EML2: variants seen among roughly 807,000 people sequenced by gnomAD.
EML2 encodes echinoderm microtubule-associated protein-like 2.
A neutral mutation model predicts 84.7 loss-of-function variants in EML2; 59 were observed. That is an observed-to-expected ratio of 0.70 (90% CI 0.56 to 0.86). EML2 has a LOEUF of 0.86. Ranked by LOEUF, EML2 falls within the 40% of genes least tolerant of loss-of-function variation. The probability of loss-of-function intolerance (pLI) is 0.00; values close to 1 mark genes in which losing one functional copy is unlikely to be tolerated. For missense variants in EML2, 818 were observed against 855.6 expected, an observed-to-expected ratio of 0.96 and a Z score of 0.55; for synonymous variants, 352 against 348.9, an observed-to-expected ratio of 1.01 and a Z score of -0.10.
At chr19:45,644,498 G>A (rs1974878689), upstream of EML2, among the ~76,000 whole-genome samples, 1 of 152,024 alleles carries the variant, frequency 6.6e-6, no homozygotes, top group Non-Finnish European at 1.5e-5. Context: ...CTTTCATCTT[G>A]ACCCTTCTGC....
At chr19:45,636,109 T>C (rs1973698326) in intron 3 of EML2, among the ~76,000 whole-genome samples, 1 of 152,178 alleles carries the variant, frequency 6.6e-6, no homozygotes, top group Non-Finnish European at 1.5e-5. Context: ...TAGCTGAGAC[T>C]ACAGGCATGC....
chr19:45,614,347 G>A lies in EML2; in HGVS notation c.1693+258C>T, dbSNP rs575387087. Among the ~76,000 whole-genome samples the A allele has an allele frequency of 2.6e-5, 4 of 152,352 alleles. 1 individual carries two copies. In the South Asian group the frequency reaches 8.3e-4, roughly 32 times the overall value. On this transcript the variant is annotated intron_variant, in intron 17 of 18. Coordinates refer to ENST00000245925, the MANE Select transcript of EML2 (RefSeq NM_012155.4). ...GGGAATATGTGTTTGCTTCATTCGT[G>A]CCTGAATGAATGGGTGGCTAGGGCA...
chr19:45,645,479 C>G (rs1013008148), upstream of EML2: 74 of 1,401,540 alleles, frequency 5.3e-5, 1 homozygote, highest in African/African-American at 7.5e-4. Context: ...AGGCGGCCGG[C>G]GCCGGGCCCG....
chr19:45,638,390 T>G, intron 3 of EML2, 115 bp downstream of exon 3: 1 of 1,474,768 alleles, frequency 6.8e-7, no homozygotes, highest in Non-Finnish European at 9.4e-7. Flanking sequence ...CTCAAACTCT[T>G]GGCCTCAAAC....
upstream of EML2, chr19:45,645,364 C>A (rs1215907348): frequency 8.5e-6 from 13 of 1,527,042 alleles, no homozygotes; most frequent in East Asian, 2.5e-5. Context: ...CACCGCCGGC[C>A]CCCCCGGTCC....
intron 8 of EML2, among the ~76,000 whole-genome samples, chr19:45,625,570 G>T (rs558142431): frequency 6.6e-6 from 1 of 152,012 alleles, no homozygotes; most frequent in South Asian, 2.1e-4. Context: ...CCCTCCTGTC[G>T]GCGCCTCATT....
At chr19:45,621,684 T>TGC (rs1161533492) in intron 9 of EML2, 47 bp from the exon 10 acceptor site, 1 of 1,573,642 alleles carries the variant, frequency 6.4e-7, no homozygotes, top group East Asian at 2.3e-5. Context: ...GCCACCCCTA[T>TGC]GCTGACCCCT....
intron 8 of EML2, among the ~76,000 whole-genome samples, chr19:45,625,272 C>T (rs112204860): frequency 0.011 from 1,601 of 151,946 alleles, 22 homozygotes; most frequent in African/African-American, 0.035. Flanking sequence ...GACGGAGTCT[C>T]GCTCTGTCAC....
chr19:45,643,862 A>G, upstream of EML2: 1 of 1,109,640 alleles, frequency 9.0e-7, no homozygotes, highest in South Asian at 1.6e-5. Context: ...CTGAGGTCAG[A>G]AGGAGTGAGC....
At chr19:45,640,378 C>G (rs552153515), upstream of EML2, 1 of 152,168 alleles carries the variant, frequency 6.6e-6, no homozygotes, top group East Asian at 1.9e-4. Flanking sequence ...GGCCAGCACG[C>G]CCGGCTATTT....
rs1197486479 is a variant in EML2 at position 45,626,771 on chromosome 19, C to T, written c.675G>A (p.Gly225=). 2 of 1,613,852 alleles carry T rather than the reference C, an allele frequency of 1.2e-6. No individual in the cohort carries two copies. The highest frequency in any genetic ancestry group is 1.7e-5 in the Admixed American group (1 of 59,954). Residue 225 remains glycine, a synonymous_variant, in exon 8 of 19, where the codon GGG becomes GGA. Coordinates refer to ENST00000245925, the MANE Select transcript of EML2 (RefSeq NM_012155.4). The stretch of plus-strand genomic sequence containing the variant: ...AGGTCCAGAAGTAGATGTGAGATTT[C>T]CCGCAGGTGATAAGCACAGTGGGGT... ...PTDPTVLITC[G]KSHIYFWTLE... is the part of the protein sequence containing the mutation.
Position 45,624,767 on chromosome 19 carries a change from C to T in EML2, c.793G>A (p.Asp265Asn), listed in dbSNP as rs767071113. The T allele has an allele frequency of 1.3e-5, 21 of 1,613,872 alleles. No homozygotes were observed. In the East Asian group the frequency reaches 3.6e-4, roughly 27 times the overall value. Residue 265 changes from aspartate (D) to asparagine (N), a missense_variant, in exon 9 of 19, where the codon GAC (aspartate) becomes AAC (asparagine). Asp to Asn is a conservative substitution (Grantham distance 23). Coordinates refer to ENST00000245925, the MANE Select transcript of EML2 (RefSeq NM_012155.4). ...VLCVTFLEGG[D>N]VVTGDSGGNL... ...CCCCCAGAGTCCCCCGTGACCACGT[C>T]GCCACCTTCCAAAAAGGTCACACAC...
intron 1 of EML2, 186 bp from the exon 2 acceptor site, chr19:45,639,059 C>T: frequency 1.2e-6 from 1 of 815,462 alleles, no homozygotes; most frequent in South Asian, 1.4e-5. Flanking sequence ...GCCTAAGACA[C>T]AGGCCCAGAG....
At chr19:45,611,175 C>T (rs560603770) in intron 18 of EML2, among the ~76,000 whole-genome samples, 2 of 152,090 alleles carry the variant, frequency 1.3e-5, no homozygotes, top group South Asian at 2.1e-4. Flanking sequence ...TTTGGGAGGC[C>T]GAGGCAGGCA....
chr19:45,615,172 A>G (rs1216887389), intron 16 of EML2: 3 of 156,876 alleles, frequency 1.9e-5, no homozygotes, highest in Admixed American at 6.4e-5. Context: ...CCCTGTCTCT[A>G]CTAACAATAT....
At chr19:45,611,222 C>A (rs754583290) in intron 18 of EML2, among the ~76,000 whole-genome samples, 78 of 151,904 alleles carry the variant, frequency 5.1e-4, no homozygotes, top group South Asian at 1.0e-3. Flanking sequence ...CCAGCCTGAC[C>A]AATATGGAGA....
upstream of EML2, among the ~76,000 whole-genome samples, chr19:45,643,000 A>G (rs766345083): frequency 2.7e-5 from 4 of 149,882 alleles, no homozygotes; most frequent in South Asian, 2.1e-4. Context: ...AAAAAAAAAG[A>G]AAAAAGAAAA....
At chr19:45,634,045 G>C (rs1041442286) in intron 4 of EML2, among the ~76,000 whole-genome samples, 3 of 152,210 alleles carry the variant, frequency 2.0e-5, no homozygotes, top group Non-Finnish European at 2.9e-5. Flanking sequence ...CTGGGTTCAA[G>C]TGATCCTCTC....
At chr19:45,629,097 C>G (rs986334223) in intron 7 of EML2, among the ~76,000 whole-genome samples, 1 of 152,002 alleles carries the variant, frequency 6.6e-6, no homozygotes. Context: ...CAAGGCCCTA[C>G]GAGGAAGATG....
Sources: allele counts gnomAD v4.1 joint callset (sites outside exome capture counted in the v4.1 genomes callset), GRCh38; gene constraint gnomAD v4.1.1; transcripts MANE v1.5; gene names NCBI Gene and HGNC (gene_info 2026-07-23, HGNC 2026-07-21).